Variants in LRRC56 observed in about 807,000 individuals in gnomAD.
LRRC56 encodes leucine-rich repeat-containing protein 56.
Under a neutral mutation model 47.8 loss-of-function variants are expected in LRRC56, and 41 were observed. The observed-to-expected ratio is 0.86, with a 90% CI of 0.67 to 1.11. The LOEUF is 1.11. Among genes scored for constraint, LRRC56 ranks in the 50% most tolerant of loss-of-function variants. LRRC56 has a pLI of 0.00. For missense variants in LRRC56, 759 were observed against 704.2 expected, an observed-to-expected ratio of 1.08 and a Z score of -0.88; for synonymous variants, 387 against 311.2, an observed-to-expected ratio of 1.24 and a Z score of -2.56.
chr11:516,780 T>G, the LRRC56 span, among the ~76,000 whole-genome samples: 1 of 152,204 alleles, frequency 6.6e-6, no homozygotes, highest in Non-Finnish European at 1.5e-5. Context: ...TACATCATCA[T>G]TTCAGTAGAC....
chr11:514,704 G>A, the LRRC56 span, among the ~76,000 whole-genome samples: 3 of 152,142 alleles, frequency 2.0e-5, no homozygotes, highest in African/African-American at 7.2e-5. Context: ...GCATTGTTTT[G>A]TAAACATAAT....
Position 554,090 on chromosome 11 carries a change from C to A in LRRC56, c.1443C>A (p.Val481=), listed in dbSNP as rs144961654. The change falls in exon 14 of 14, where the codon GTC becomes GTA. Residue 481 remains valine (V), a synonymous_variant. Coordinates refer to ENST00000270115, the MANE Select transcript of LRRC56 (RefSeq NM_198075.4). The part of the protein sequence containing the change: ...DLQSRGRRLR[V]LGSWGPGLGD... ...AGTCCAGGGGGCGTCGGCTCCGAGTCCTGGGCAGCTGGGGGCCTGGCCTGG... is the reference window on the plus strand; with the variant it reads ...AGTCCAGGGGGCGTCGGCTCCGAGTACTGGGCAGCTGGGGGCCTGGCCTGG... The A allele has an allele frequency of 1.2e-6, 2 of 1,607,930 alleles. No individual in the cohort carries two copies. The highest frequency in any genetic ancestry group is 2.2e-5 in the East Asian group (1 of 44,816).
chr11:549,877 G>C, intron 6 of LRRC56, 25 bp from the exon 7 acceptor site: 1 of 1,605,352 alleles, frequency 6.2e-7, no homozygotes, highest in Non-Finnish European at 8.5e-7. Flanking sequence ...GGCACATGTT[G>C]ACCACCAAAC....
At chr11:546,350 C>T (rs1469690585) in intron 6 of LRRC56, among the ~76,000 whole-genome samples, 1 of 152,028 alleles carries the variant, frequency 6.6e-6, no homozygotes, top group Non-Finnish European at 1.5e-5. Context: ...AGGCAGATCA[C>T]GAGGTCAGGA....
In LRRC56 at chr11:554,755, CG is replaced by C. The variant is rs1852672756; in HGVS notation, c.*484del. 2.0e-6 allele frequency: 1 copy of C among 490,658 alleles called. No individual in the cohort carries two copies. Among genetic ancestry groups the C allele is most frequent in the Non-Finnish European group, 3.6e-6 (1 of 277,668 alleles). The allele number at this position is 490,658 out of a possible 1,614,324, so 30.4% of individuals were successfully genotyped here. Reference sequence around the variant, plus strand: ...GGGTGCGGTCCAGGCCTCCCGTCTCCGGGGGATCTGTAGGGTTCCCGCACTG... The same window carrying C: ...GGGTGCGGTCCAGGCCTCCCGTCTCCGGGGATCTGTAGGGTTCCCGCACTG... On this transcript the variant is annotated 3_prime_UTR_variant, in exon 14 of 14. Coordinates refer to ENST00000270115, the MANE Select transcript of LRRC56 (RefSeq NM_198075.4).
In LRRC56 at chr11:547,435, T is replaced by G. The variant is rs60479307; in HGVS notation, c.327-2467T>G. On this transcript the variant is annotated intron_variant, in intron 6 of 13. Coordinates refer to ENST00000270115, the MANE Select transcript of LRRC56 (RefSeq NM_198075.4). The stretch of plus-strand genomic sequence containing the variant: ...GTGGCGCAATCTCGGCTCACTGCAA[T>G]CTCGCCTCCCGGGTTCACGCCATTC... 2.2e-4 allele frequency among the ~76,000 whole-genome samples: 34 copies of G among 151,768 alleles called. No homozygotes were observed. In the South Asian group the frequency reaches 6.4e-3, roughly 29 times the overall value.
chr11:551,076 G>A (rs1327655710), intron 8 of LRRC56, 55 bp from the exon 9 acceptor site: 4 of 1,070,058 alleles, frequency 3.7e-6, no homozygotes, highest in Non-Finnish European at 5.2e-6. Flanking sequence ...GAGCTGGCCG[G>A]AAGGAAACAC....
the LRRC56 span, among the ~76,000 whole-genome samples, chr11:517,989 A>G: frequency 6.6e-6 from 1 of 152,134 alleles, no homozygotes; most frequent in African/African-American, 2.4e-5. Flanking sequence ...AAGAGTCATC[A>G]CCATTCCCTA....
upstream of LRRC56, chr11:534,012 C>T (rs1020987166): frequency 2.7e-5 from 41 of 1,528,420 alleles, no homozygotes; most frequent in Middle Eastern, 3.4e-4. Context: ...CAGCCAGCCT[C>T]TCCCTGGTAC....
chr11:507,031 G>A, the LRRC56 span: 1 of 152,256 alleles, frequency 6.6e-6, no homozygotes, highest in Non-Finnish European at 1.5e-5. Context: ...AATAGCGCCA[G>A]GCCCGCGTCT....
In LRRC56 at chr11:537,536, G is replaced by C. The variant is rs1851572235; in HGVS notation, c.-491G>C. On this transcript the variant is annotated 5_prime_UTR_variant, in exon 1 of 14. Transcript: ENST00000270115. ...GCCGGAAGAACAGCCTGGAGTAGGAGACAGCGCCTGGAGGTGGAGGGCGCC... is the reference window on the plus strand; with the variant it reads ...GCCGGAAGAACAGCCTGGAGTAGGACACAGCGCCTGGAGGTGGAGGGCGCC... 1 of 152,338 alleles carries C rather than the reference G, an allele frequency of 6.6e-6. No homozygotes were observed. Among genetic ancestry groups the C allele is most frequent in the Non-Finnish European group, 1.5e-5 (1 of 68,118 alleles). 9.4% of individuals were successfully genotyped at this position (152,338 alleles called of 1,614,324 possible). A position where few individuals can be genotyped will look rare whatever the true frequency, so the allele number is the denominator to read the frequency against.
the LRRC56 span, among the ~76,000 whole-genome samples, chr11:509,286 C>T: frequency 6.6e-6 from 1 of 152,230 alleles, no homozygotes; most frequent in Non-Finnish European, 1.5e-5. Flanking sequence ...TGGACTGGTT[C>T]TCTTGACATC....
the LRRC56 span, among the ~76,000 whole-genome samples, chr11:515,666 C>T: frequency 6.6e-6 from 1 of 151,924 alleles, no homozygotes; most frequent in African/African-American, 2.4e-5. Flanking sequence ...GGTGAAACCC[C>T]GTCTCTACTA....
rs1252704910 is a variant in LRRC56, at chr11:554,215, A to G, written c.1568A>G (p.Asp523Gly). 1 of 1,527,710 alleles carries G rather than the reference A, an allele frequency of 6.5e-7. No individual in the cohort carries two copies. The highest frequency in any genetic ancestry group is 8.8e-7 in the Non-Finnish European group (1 of 1,139,752). The allele number at this position is 1,527,710 out of a possible 1,614,324, so 94.6% of individuals were successfully genotyped here. ...QGCPGPKPAP[D>G]AAARPPRAAE... ...TGTCCTGGCCCAAAGCCAGCACCAG[A>G]TGCAGCAGCTAGACCTCCCAGGGCA... The change falls in exon 14 of 14, where the codon GAT becomes GGT. Residue 523 changes from aspartate to glycine, a missense_variant. Transcript: ENST00000270115.
At chr11:530,242 G>A in the LRRC56 span, among the ~76,000 whole-genome samples, 2 of 152,208 alleles carry the variant, frequency 1.3e-5, no homozygotes, top group African/African-American at 4.8e-5. Flanking sequence ...ATGACCAAGA[G>A]GCAGGTCCAG....
chr11:553,564 C>T (rs1217552126), intron 13 of LRRC56, among the ~76,000 whole-genome samples: 2 of 152,142 alleles, frequency 1.3e-5, no homozygotes, highest in Admixed American at 6.5e-5. Flanking sequence ...CATGCCAGGG[C>T]TCCAGACACC....
intron 6 of LRRC56, among the ~76,000 whole-genome samples, chr11:549,302 C>T (rs540682250): frequency 4.1e-4 from 62 of 152,326 alleles, no homozygotes; most frequent in African/African-American, 1.3e-3. Flanking sequence ...GCCTCCCAGC[C>T]GAGAGGGGCA....
Position 554,642 on chromosome 11 carries a change from T to G in LRRC56, c.*366T>G. On this transcript the variant is annotated 3_prime_UTR_variant, in exon 14 of 14. Coordinates refer to ENST00000270115, the MANE Select transcript of LRRC56 (RefSeq NM_198075.4). ...GAGGGGCAGGGGCTGGAGCTGCGAG[T>G]CCACCACTCCCTTGCCGGCCCCAGG... The G allele has an allele frequency of 2.5e-6, 1 of 398,148 alleles. No homozygotes were observed. 24.7% of individuals were successfully genotyped at this position (398,148 alleles called of 1,614,324 possible). A position where few individuals can be genotyped will look rare whatever the true frequency, so the allele number is the denominator to read the frequency against.
chr11:544,577 C>T (rs983593616), intron 5 of LRRC56, 143 bp from the exon 6 acceptor site: 11 of 824,734 alleles, frequency 1.3e-5, no homozygotes, highest in Admixed American at 2.1e-5. Flanking sequence ...CCACGTAACC[C>T]CTCCTGTGGT....
Sources: allele counts gnomAD v4.1 joint callset (sites outside exome capture counted in the v4.1 genomes callset), GRCh38; gene constraint gnomAD v4.1.1; transcripts MANE v1.5; gene names NCBI Gene and HGNC (gene_info 2026-07-23, HGNC 2026-07-21).